UCK2: variants seen among roughly 807,000 people sequenced by gnomAD.
UCK2 encodes the protein uridine-cytidine kinase 2, also known as cytidine monophosphokinase 2.
In UCK2, 6 loss-of-function variants were observed where a neutral mutation model predicts 30.8. The ratio of observed to expected loss-of-function variants is 0.19; its 90% CI spans 0.11 to 0.38. The LOEUF (loss-of-function observed/expected upper bound fraction) is 0.38. UCK2 is among the 10% of genes least tolerant of loss of function. The probability of loss-of-function intolerance (pLI) is 1.00; values close to 1 mark genes in which losing one functional copy is unlikely to be tolerated. For synonymous variants in UCK2, 125 were observed against 133.6 expected, an observed-to-expected ratio of 0.94 and a Z score of 0.45; for missense variants, 210 against 339.8, an observed-to-expected ratio of 0.62 and a Z score of 3.00.
At chr1:165,828,000 G>T (rs1360089604) in intron 1 of UCK2, 68 bp downstream of exon 1, 5 of 1,181,606 alleles carry the variant, frequency 4.2e-6, no homozygotes, top group Non-Finnish European at 5.3e-6. Context: ...GTGGCCGGCG[G>T]CCGCGGGCCG....
intron 6 of UCK2, among the ~76,000 whole-genome samples, chr1:165,906,319 C>A (rs1647658241): frequency 6.6e-6 from 1 of 152,188 alleles, no homozygotes; most frequent in South Asian, 2.1e-4. Flanking sequence ...TTTAGAATGA[C>A]CTGCCATCAC....
chr1:165,906,861 C>A (rs1474333681), intron 6 of UCK2, among the ~76,000 whole-genome samples: 1 of 152,142 alleles, frequency 6.6e-6, no homozygotes, highest in East Asian at 1.9e-4. Flanking sequence ...AAATATTTAA[C>A]CCTGTATTTT....
At position 165,910,305 on chromosome 1, in the gene UCK2, G is replaced by A. The variant is rs1482524515; in HGVS notation, c.*2482G>A. The A allele has an allele frequency of 6.6e-6, 1 of 152,200 alleles. No homozygotes were observed. The highest frequency in any genetic ancestry group is 2.4e-5 in the African/African-American group (1 of 41,428). 9.4% of individuals were successfully genotyped at this position (152,200 alleles called of 1,614,324 possible). A position where few individuals can be genotyped will look rare whatever the true frequency, so the allele number is the denominator to read the frequency against. Reference sequence around the variant, plus strand: ...AGAGCCTCTGGGTCTCTGATTCCATGGAGAGTCAGGAGTAGAATTAGTGGA... The same window carrying A: ...AGAGCCTCTGGGTCTCTGATTCCATAGAGAGTCAGGAGTAGAATTAGTGGA... On this transcript the variant is annotated 3_prime_UTR_variant, in exon 7 of 7. Transcript: ENST00000367879.
At chr1:165,828,143 G>A (rs1312627400) in intron 1 of UCK2, among the ~76,000 whole-genome samples, 2 of 151,820 alleles carry the variant, frequency 1.3e-5, no homozygotes, top group South Asian at 2.1e-4. Flanking sequence ...GGGGTTCCGG[G>A]GGTACGCGGC....
intron 1 of UCK2, among the ~76,000 whole-genome samples, chr1:165,869,363 G>C (rs1442991905): frequency 6.6e-6 from 1 of 151,980 alleles, no homozygotes; most frequent in Admixed American, 6.6e-5. Flanking sequence ...AAAAAACGTA[G>C]TATCTGTGAA....
chr1:165,840,495 T>G (rs927813530), intron 1 of UCK2, among the ~76,000 whole-genome samples: 17 of 152,178 alleles, frequency 1.1e-4, no homozygotes, highest in African/African-American at 3.9e-4. Context: ...GTCCCTCCAG[T>G]GTATCTTTGG....
At chr1:165,863,366 T>C (rs898392478) in intron 1 of UCK2, among the ~76,000 whole-genome samples, 1 of 152,202 alleles carries the variant, frequency 6.6e-6, no homozygotes, top group Non-Finnish European at 1.5e-5. Flanking sequence ...CACCAGCATT[T>C]TTGGTGTTCT....
intron 1 of UCK2, among the ~76,000 whole-genome samples, chr1:165,848,477 C>G (rs188651082): frequency 6.6e-6 from 1 of 152,048 alleles, no homozygotes; most frequent in Non-Finnish European, 1.5e-5. Flanking sequence ...ACAAAAAATA[C>G]AAAAATTAGC....
chr1:165,905,144 A>G (rs546178003), intron 5 of UCK2, among the ~76,000 whole-genome samples: 8 of 152,216 alleles, frequency 5.3e-5, no homozygotes, highest in East Asian at 3.8e-4. Context: ...TTCAAAGACC[A>G]TGTTCTCTGC....
intron 1 of UCK2, among the ~76,000 whole-genome samples, chr1:165,835,200 G>C (rs1220512985): frequency 6.6e-6 from 1 of 151,612 alleles, no homozygotes; most frequent in African/African-American, 2.4e-5. Context: ...GAAAGCTTGT[G>C]ATAGAATGGG....
chr1:165,841,743 G>C (rs1393796180), intron 1 of UCK2, among the ~76,000 whole-genome samples: 1 of 152,122 alleles, frequency 6.6e-6, no homozygotes, highest in South Asian at 2.1e-4. Context: ...GTCATGGTTG[G>C]TGTTTTTAAG....
chr1:165,851,953 T>A (rs941715988), intron 1 of UCK2, among the ~76,000 whole-genome samples: 13 of 152,234 alleles, frequency 8.5e-5, no homozygotes, highest in Admixed American at 7.2e-4. Context: ...ATGGAGTATA[T>A]GTACTACATT....
chr1:165,901,839 G>A (rs925860264), intron 4 of UCK2, among the ~76,000 whole-genome samples: 2 of 150,914 alleles, frequency 1.3e-5, no homozygotes, highest in South Asian at 2.1e-4. Context: ...AATAAAGAGT[G>A]TATGGGCTGC....
intron 1 of UCK2, among the ~76,000 whole-genome samples, chr1:165,878,930 A>G (rs112228810): frequency 5.9e-5 from 9 of 152,224 alleles, no homozygotes; most frequent in African/African-American, 2.2e-4. Flanking sequence ...TTGCAGCCCT[A>G]CCAGCAATGA....
chr1:165,894,963 C>T (rs936355960), intron 3 of UCK2, among the ~76,000 whole-genome samples: 7 of 152,182 alleles, frequency 4.6e-5, no homozygotes, highest in Admixed American at 1.3e-4. Context: ...GAATTTTGAG[C>T]AAGAGGCAGT....
chr1:165,837,279 C>G (rs533154822), intron 1 of UCK2, among the ~76,000 whole-genome samples: 106 of 152,344 alleles, frequency 7.0e-4, no homozygotes, highest in Non-Finnish European at 1.2e-3. Flanking sequence ...AGGGTCCTTA[C>G]AAGCCCTTAC....
chr1:165,903,564 G>A (rs933061771), intron 5 of UCK2, among the ~76,000 whole-genome samples: 2 of 152,256 alleles, frequency 1.3e-5, no homozygotes, highest in Admixed American at 1.3e-4. Context: ...CTTGCTTGGT[G>A]GGGTCATGGT....
intron 1 of UCK2, among the ~76,000 whole-genome samples, chr1:165,851,980 T>TC (rs1270407169): frequency 6.6e-6 from 1 of 152,246 alleles, no homozygotes; most frequent in African/African-American, 2.4e-5. Context: ...ATCCATTCTA[T>TC]CATTGATGGG....
chr1:165,869,819 A>T (rs1465652517), intron 1 of UCK2, among the ~76,000 whole-genome samples: 1 of 151,886 alleles, frequency 6.6e-6, no homozygotes, highest in African/African-American at 2.4e-5. Flanking sequence ...CCACCAGCTA[A>T]TTTTTAAAAA....
Sources: allele counts gnomAD v4.1 joint callset (sites outside exome capture counted in the v4.1 genomes callset), GRCh38; gene constraint gnomAD v4.1.1; transcripts MANE v1.5; gene names NCBI Gene and HGNC (gene_info 2026-07-23, HGNC 2026-07-21).